TBC1D5: variants seen among roughly 807,000 people sequenced by gnomAD.
TBC1D5 encodes TBC1 domain family, member 5.
TBC1D5 carries 75 observed loss-of-function variants against 100.3 expected under a neutral mutation model. That is an observed-to-expected ratio of 0.75 (90% confidence interval 0.62 to 0.91). The LOEUF (loss-of-function observed/expected upper bound fraction) is 0.91, where lower values mean the gene tolerates loss of function less well. Ranked by LOEUF, TBC1D5 falls within the 40% of genes least tolerant of loss-of-function variation. TBC1D5 has a pLI of 0.00. For synonymous variants in TBC1D5, 323 were observed against 325.6 expected (o/e 0.99, Z 0.09); for missense variants, 910 against 942.4 (o/e 0.97, Z 0.45).
chr3:17,508,438 C>G, intron 3 of TBC1D5, 36 bp downstream of exon 3: 1 of 1,548,422 alleles, frequency 6.5e-7, no homozygotes, highest in South Asian at 1.1e-5. Context: ...TTTCCCAGTA[C>G]ACTACCTACA....
chr3:17,393,280 C>T (rs186997342), intron 8 of TBC1D5, among the ~76,000 whole-genome samples: 1 of 151,932 alleles, frequency 6.6e-6, no homozygotes, highest in Non-Finnish European at 1.5e-5. Context: ...TGTGAAGGAC[C>T]TCTTCAAGGA....
chr3:17,643,561 T>G (rs1453353531), intron 1 of TBC1D5, among the ~76,000 whole-genome samples: 1 of 152,282 alleles, frequency 6.6e-6, no homozygotes, highest in East Asian at 1.9e-4. Context: ...TCATTCTTTA[T>G]ACATTTATTA....
chr3:17,254,766 T>TGGG (rs139693043), intron 16 of TBC1D5, among the ~76,000 whole-genome samples: 8,956 of 72,934 alleles, frequency 0.12, 667 homozygotes, highest in African/African-American at 0.15. Flanking sequence ...GTGGCGGGGG[T>TGGG]GGGGGGGGGG....
intron 17 of TBC1D5, among the ~76,000 whole-genome samples, chr3:17,215,321 A>G (rs982207174): frequency 6.6e-6 from 1 of 152,164 alleles, no homozygotes; most frequent in Non-Finnish European, 1.5e-5. Context: ...AGGTGGTCAC[A>G]TTTTGGACAA....
At chr3:17,329,533 T>TA (rs11449656) in intron 13 of TBC1D5, among the ~76,000 whole-genome samples, 76,059 of 151,962 alleles carry the variant, frequency 0.5, 20,538 homozygotes, top group African/African-American at 0.68. Flanking sequence ...TTATGGAGGA[T>TA]AAAAAATAAA....
chr3:17,215,839 T>C lies in TBC1D5; in HGVS notation c.1589-1469A>G, dbSNP rs186396422. Among the ~76,000 whole-genome samples the C allele has an allele frequency of 4.3e-4, 65 of 152,260 alleles. 1 individual carries two copies. Among genetic ancestry groups the C allele is most frequent in the Admixed American group, 8.5e-4 (13 of 15,278 alleles). On this transcript the variant is annotated intron_variant, in intron 17 of 21. Coordinates refer to ENST00000253692, the Ensembl canonical transcript of TBC1D5. Reference sequence around the variant, plus strand: ...CTTTATAGACTAACATTCTCCAATCTTGGGTCAAAGTTGTTACAATATAGT... The same window carrying C: ...CTTTATAGACTAACATTCTCCAATCCTGGGTCAAAGTTGTTACAATATAGT...
At chr3:17,446,188 G>A (rs1164265630) in intron 3 of TBC1D5, among the ~76,000 whole-genome samples, 1 of 151,988 alleles carries the variant, frequency 6.6e-6, no homozygotes, top group African/African-American at 2.4e-5. Context: ...CTCCTGAAGA[G>A]ACATACTTTT....
intron 1 of TBC1D5, chr3:17,702,197 A>C (rs1422706577): frequency 6.6e-6 from 1 of 152,160 alleles, no homozygotes; most frequent in Non-Finnish European, 1.5e-5. Context: ...TCTACCTGTC[A>C]AATCTTCCAA....
chr3:17,557,399 A>C (rs2153463600), intron 2 of TBC1D5, among the ~76,000 whole-genome samples: 1 of 152,364 alleles, frequency 6.6e-6, no homozygotes, highest in East Asian at 1.9e-4. Context: ...TTTGTGTGCC[A>C]ATACGTCACT....
At chr3:17,701,592 G>A (rs1389234399) in intron 1 of TBC1D5, among the ~76,000 whole-genome samples, 14 of 151,920 alleles carry the variant, frequency 9.2e-5, no homozygotes, top group Non-Finnish European at 1.9e-4. Context: ...CCAAGATAGC[G>A]CCACTGCACT....
chr3:17,549,978 T>C (rs546890511), intron 2 of TBC1D5, among the ~76,000 whole-genome samples: 2 of 150,966 alleles, frequency 1.3e-5, no homozygotes, highest in African/African-American at 4.8e-5. Context: ...ATAATAATAA[T>C]GAATGGCTTC....
intron 14 of TBC1D5, among the ~76,000 whole-genome samples, chr3:17,297,552 G>C (rs1248769901): frequency 6.6e-6 from 1 of 151,234 alleles, no homozygotes; most frequent in Non-Finnish European, 1.5e-5. Flanking sequence ...CTCCAGCCTG[G>C]GTGACAGAGC....
Position 17,669,818 on chromosome 3 carries a change from C to T in TBC1D5, c.-100-45905G>A, listed in dbSNP as rs192418014. Among the ~76,000 whole-genome samples the T allele has an allele frequency of 4.3e-4, 65 of 152,272 alleles. 1 individual carries two copies. Among genetic ancestry groups the T allele is most frequent in the Non-Finnish European group, 1.5e-5 (1 of 68,016 alleles). On this transcript the variant is annotated intron_variant, in intron 1 of 21. Transcript: ENST00000253692. ...GAGTAAAAATGCAACTCAATGAATACAAGACCACGTATCAAGATTATTCAA... is the reference window on the plus strand; with the variant it reads ...GAGTAAAAATGCAACTCAATGAATATAAGACCACGTATCAAGATTATTCAA...
intron 2 of TBC1D5, among the ~76,000 whole-genome samples, chr3:17,616,137 C>T (rs1276278362): frequency 3.3e-5 from 5 of 152,172 alleles, no homozygotes; most frequent in Non-Finnish European, 7.3e-5. Flanking sequence ...GCCTTCATTT[C>T]GTTATTTACC....
chr3:17,322,427 C>T (rs1458172379), intron 13 of TBC1D5, among the ~76,000 whole-genome samples: 1 of 152,160 alleles, frequency 6.6e-6, no homozygotes, highest in African/African-American at 2.4e-5. Flanking sequence ...TGCTCTCATA[C>T]GATAAACAGC....
In TBC1D5 at chr3:17,546,739, C is replaced by T. The variant is rs60535468; in HGVS notation, c.-35-38134G>A. ...CAGAGGTGGCAGTGAGCCAAGATGGCGCCACTGTACTACAGCCTGGCTGAC... is the reference window on the plus strand; with the variant it reads ...CAGAGGTGGCAGTGAGCCAAGATGGTGCCACTGTACTACAGCCTGGCTGAC... On this transcript the variant is annotated intron_variant, in intron 2 of 21. Coordinates refer to ENST00000253692, the Ensembl canonical transcript of TBC1D5. 5.3e-3 allele frequency among the ~76,000 whole-genome samples: 797 copies of T among 149,422 alleles called. 10 individuals are homozygous for T. Among genetic ancestry groups the T allele is most frequent in the African/African-American group, 0.019 (760 of 40,486 alleles).
intron 2 of TBC1D5, among the ~76,000 whole-genome samples, chr3:17,592,690 A>C (rs896231836): frequency 1.3e-5 from 2 of 152,188 alleles, no homozygotes; most frequent in African/African-American, 4.8e-5. Flanking sequence ...CTGCTCTGCC[A>C]CTTGGGCCAT....
intron 13 of TBC1D5, among the ~76,000 whole-genome samples, chr3:17,355,706 C>T (rs963037809): frequency 1.3e-5 from 2 of 151,590 alleles, no homozygotes; most frequent in African/African-American, 2.4e-5. Flanking sequence ...CCCATGGTAG[C>T]GTTTTTTTTT....
chr3:17,591,053 G>A (rs776626376), intron 2 of TBC1D5, among the ~76,000 whole-genome samples: 2 of 151,496 alleles, frequency 1.3e-5, no homozygotes, highest in Admixed American at 6.6e-5. Flanking sequence ...TGGCTAACAC[G>A]GTGAAACTCC....
Sources: gnomAD v4.1 joint callset for allele counts (sites outside exome capture counted in the v4.1 genomes callset) on GRCh38, gnomAD v4.1.1 for gene constraint, MANE v1.5 for transcripts, NCBI Gene and HGNC (gene_info 2026-07-23, HGNC 2026-07-21) for gene names.